The following P2RY2 variants were observed in gnomAD, a reference collection of about 807,000 sequenced individuals.
P2RY2 encodes P2Y purinoceptor 2.
For missense variants in P2RY2, 567 were observed against 515.7 expected, an observed-to-expected ratio of 1.10 and a Z score of -0.96; for synonymous variants, 241 against 231.9, an observed-to-expected ratio of 1.04 and a Z score of -0.35.
chr11:73,222,347 C>T (rs1396975034), intron 1 of P2RY2, among the ~76,000 whole-genome samples: 1 of 151,982 alleles, frequency 6.6e-6, no homozygotes, highest in East Asian at 1.9e-4. Context: ...ACCTGCTCCT[C>T]TCATGGCACC....
At chr11:73,229,255 G>A (rs997531364) in intron 2 of P2RY2, among the ~76,000 whole-genome samples, 9 of 152,122 alleles carry the variant, frequency 5.9e-5, no homozygotes, top group Non-Finnish European at 1.3e-4. Flanking sequence ...GGGTGGGTTC[G>A]GGGAAGGCTT....
chr11:73,218,776 G>C, intron 1 of P2RY2: 1 of 152,740 alleles, frequency 6.5e-6, no homozygotes, highest in Non-Finnish European at 1.5e-5. Flanking sequence ...TGCGGAACTT[G>C]TCTGTGTGTG....
At position 73,234,291 on chromosome 11, in the gene P2RY2, C is replaced by A. The variant is rs1264052893; in HGVS notation, c.132C>A (p.Cys44Ter). 6.2e-7 allele frequency: 1 copy of A among 1,614,038 alleles called. No individual in the cohort carries two copies. The highest frequency in any genetic ancestry group is 2.2e-5 in the East Asian group (1 of 44,900). ...VLLPVSYGVV[C>*]VPGLCLNAVA... Reference sequence around the variant, plus strand: ...TGCCTGTGTCCTACGGCGTGGTGTGCGTGCCTGGGCTGTGTCTGAACGCCG... The same window carrying A: ...TGCCTGTGTCCTACGGCGTGGTGTGAGTGCCTGGGCTGTGTCTGAACGCCG... The change falls in exon 3 of 3, where the codon TGC (cysteine) becomes TGA (stop). Residue 44 changes from cysteine to a stop codon, truncating the protein, a stop_gained. Transcript: ENST00000393597. LOFTEE classifies it low-confidence loss of function (END_TRUNC).
At chr11:73,232,138 A>G (rs2135643093) in intron 2 of P2RY2, among the ~76,000 whole-genome samples, 1 of 152,310 alleles carries the variant, frequency 6.6e-6, no homozygotes, top group South Asian at 2.1e-4. Flanking sequence ...CTCACTCTTC[A>G]TCTGCCCTTT....
chr11:73,219,305 G>A (rs1862054703), intron 1 of P2RY2, among the ~76,000 whole-genome samples: 1 of 152,228 alleles, frequency 6.6e-6, no homozygotes, highest in South Asian at 2.1e-4. Flanking sequence ...GTGGGTGGAA[G>A]TGGAAGGAAG....
chr11:73,227,160 T>C (rs1862302339), intron 1 of P2RY2, among the ~76,000 whole-genome samples: 1 of 152,200 alleles, frequency 6.6e-6, no homozygotes, highest in African/African-American at 2.4e-5. Flanking sequence ...CTCCCACTTA[T>C]AAGTGAGAAC....
At position 73,240,652 on chromosome 11, in the gene P2RY2, G is replaced by A. The variant is rs1427941543; in HGVS notation, c.*5359G>A. 2.0e-5 allele frequency: 3 copies of A among 152,274 alleles called. No individual in the cohort carries two copies. Among genetic ancestry groups the A allele is most frequent in the African/African-American group, 7.2e-5 (3 of 41,458 alleles). The allele number at this position is 152,274 out of a possible 1,614,324, so 9.4% of individuals were successfully genotyped here. ...CAGTCAGTGTGAAGCTTAGGTGTAA[G>A]CCCAGGGCTCTTTGGCTGCTCCCAC... On this transcript the variant is annotated 3_prime_UTR_variant, in exon 3 of 3. Coordinates refer to ENST00000393597, the MANE Select transcript of P2RY2 (RefSeq NM_002564.4).
In P2RY2 at chr11:73,235,253, C is replaced by G. The variant is rs138929283; in HGVS notation, c.1094C>G (p.Thr365Arg). 1.3e-6 allele frequency: 2 copies of G among 1,590,606 alleles called. No individual in the cohort carries two copies. Among genetic ancestry groups the G allele is most frequent in the Non-Finnish European group, 1.7e-6 (2 of 1,168,908 alleles). ...GAGGACTCTAGGCGGACAGAGTCCACGCCGGCTGGTAGCGAGAACACTAAG... is the reference window on the plus strand; with the variant it reads ...GAGGACTCTAGGCGGACAGAGTCCAGGCCGGCTGGTAGCGAGAACACTAAG... Reference protein sequence around the residue: ...SSEDSRRTESTPAGSENTKDI... With the variant: ...SSEDSRRTESRPAGSENTKDI... The change falls in exon 3 of 3, where the codon ACG (threonine) becomes AGG (arginine). Residue 365 changes from threonine (T) to arginine (R), a missense_variant. By Grantham distance (71) the Thr-to-Arg change is moderately conservative (BLOSUM62 -1). Transcript: ENST00000393597.
intron 1 of P2RY2, among the ~76,000 whole-genome samples, chr11:73,225,889 A>C (rs1011184486): frequency 9.9e-5 from 15 of 152,252 alleles, no homozygotes; most frequent in Middle Eastern, 3.2e-3. Context: ...CAGATCAGCC[A>C]GGGCCTGAGT....
rs893289709 is a variant in P2RY2 at position 73,237,532 on chromosome 11, G to A, written c.*2239G>A. Among the ~76,000 whole-genome samples, 1 of 152,204 alleles carries A rather than the reference G, an allele frequency of 6.6e-6. No individual in the cohort carries two copies. The highest frequency in any genetic ancestry group is 6.5e-5 in the Admixed American group (1 of 15,288). The stretch of plus-strand genomic sequence containing the variant: ...CAAAGTGCTGGGATTACAGGTATGA[G>A]CCACCGCACCCGGCCCCTCTTGAGC... On this transcript the variant is annotated 3_prime_UTR_variant, in exon 3 of 3. Transcript: ENST00000393597.
intron 1 of P2RY2, among the ~76,000 whole-genome samples, chr11:73,223,272 C>G (rs138483299): frequency 0.015 from 2,321 of 152,312 alleles, 196 homozygotes; most frequent in Admixed American, 0.14. Context: ...TCTCCATCCA[C>G]CTTCTTTCCT....
chr11:73,219,782 C>T (rs887902957), intron 1 of P2RY2, among the ~76,000 whole-genome samples: 1 of 152,216 alleles, frequency 6.6e-6, no homozygotes, highest in Non-Finnish European at 1.5e-5. Context: ...ATTCTACACT[C>T]CCTCTCTGAT....
At chr11:73,233,914 A>G (rs1862534097) in intron 2 of P2RY2, 1 of 541,926 alleles carries the variant, frequency 1.8e-6, no homozygotes. Context: ...CTGAATTTAC[A>G]AAAGCAGACT....
chr11:73,232,278 T>C (rs1178716603), intron 2 of P2RY2, among the ~76,000 whole-genome samples: 2 of 152,186 alleles, frequency 1.3e-5, no homozygotes, highest in Non-Finnish European at 2.9e-5. Context: ...GGGCTGGACC[T>C]GGACAGATAT....
Position 73,235,242 on chromosome 11 carries a change from G to A in P2RY2, c.1083G>A (p.Arg361=). 1 of 1,600,622 alleles carries A rather than the reference G, an allele frequency of 6.2e-7. No homozygotes were observed. Among genetic ancestry groups the A allele is most frequent in the Non-Finnish European group, 8.5e-7 (1 of 1,173,274 alleles). The change falls in exon 3 of 3, where the codon CGG becomes CGA. Residue 361 remains arginine, a synonymous_variant. Transcript: ENST00000393597. ...DVLGSSEDSR[R]TESTPAGSEN... is the part of the protein sequence containing the mutation. ...TGGGCAGCAGTGAGGACTCTAGGCGGACAGAGTCCACGCCGGCTGGTAGCG... is the reference window on the plus strand; with the variant it reads ...TGGGCAGCAGTGAGGACTCTAGGCGAACAGAGTCCACGCCGGCTGGTAGCG...
chr11:73,234,628 G>A lies in P2RY2; in HGVS notation c.469G>A (p.Val157Met), dbSNP rs768583266. ...CTACGCTCGCCGGGTGGCCGGGGCC[G>A]TGTGGGTGTTGGTGCTGGCCTGCCA... ...ARYARRVAGAVWVLVLACQAP... is the reference protein window; with the variant it reads ...ARYARRVAGAMWVLVLACQAP... The change falls in exon 3 of 3, where the codon GTG becomes ATG. Residue 157 changes from valine (V) to methionine (M), a missense_variant. Val to Met is a conservative substitution (Grantham distance 21, BLOSUM62 1). Transcript: ENST00000393597. The A allele has an allele frequency of 7.0e-6, 11 of 1,570,882 alleles. No individual in the cohort carries two copies. In the Admixed American group the frequency reaches 7.1e-5, roughly 10 times the overall value.
At chr11:73,226,922 G>A (rs1005510333) in intron 1 of P2RY2, among the ~76,000 whole-genome samples, 1 of 152,126 alleles carries the variant, frequency 6.6e-6, no homozygotes, top group Non-Finnish European at 1.5e-5. Flanking sequence ...TGACACAGGA[G>A]ATTTCTTTTT....
rs571023750 is a variant in P2RY2, at chr11:73,237,439, G to C, written c.*2146G>C. Among the ~76,000 whole-genome samples, 4 of 152,106 alleles carry C rather than the reference G, an allele frequency of 2.6e-5. No individual in the cohort carries two copies. The highest frequency in any genetic ancestry group is 4.8e-5 in the African/African-American group (2 of 41,480). ...ATTTTTGTATTTTTAATAGAGACAG[G>C]GTTTCGCCATGTTGGCCAGGCTGGT... On this transcript the variant is annotated 3_prime_UTR_variant, in exon 3 of 3. Coordinates refer to ENST00000393597, the MANE Select transcript of P2RY2 (RefSeq NM_002564.4).
intron 1 of P2RY2, among the ~76,000 whole-genome samples, chr11:73,226,043 G>A (rs1202908258): frequency 7.9e-5 from 12 of 152,198 alleles, no homozygotes; most frequent in East Asian, 3.8e-4. Context: ...GTGGAGGCAC[G>A]GAGGCCAGTG....
Sources: allele counts gnomAD v4.1 joint callset (sites outside exome capture counted in the v4.1 genomes callset), GRCh38; gene constraint gnomAD v4.1.1; transcripts MANE v1.5; gene names NCBI Gene and HGNC (gene_info 2026-07-23, HGNC 2026-07-21).